ABTB3: variants seen among roughly 807,000 people sequenced by gnomAD.
ABTB3 encodes the protein ankyrin repeat- and BTB/POZ domain-containing protein 3.
At chr12:107,503,829 G>A in the ABTB3 span, among the ~76,000 whole-genome samples, 5 of 151,848 alleles carry the variant, frequency 3.3e-5, no homozygotes, top group East Asian at 1.9e-4. Context: ...GTGGGGTGGC[G>A]GTGGAGAGGA....
At chr12:107,593,542 C>G in the ABTB3 span, among the ~76,000 whole-genome samples, 1 of 152,190 alleles carries the variant, frequency 6.6e-6, no homozygotes, top group South Asian at 2.1e-4. Flanking sequence ...ACCGAGCCCA[C>G]TAGCTAGCAT....
chr12:107,522,493 G>T, the ABTB3 span, among the ~76,000 whole-genome samples: 337 of 151,892 alleles, frequency 2.2e-3, no homozygotes, highest in Non-Finnish European at 3.8e-3. Flanking sequence ...TTTTTATTAT[G>T]GCAACAAGAA....
At chr12:107,602,453 C>T in the ABTB3 span, among the ~76,000 whole-genome samples, 1 of 152,232 alleles carries the variant, frequency 6.6e-6, no homozygotes. Context: ...CATAGGAGAT[C>T]TCTGACACTT....
the ABTB3 span, among the ~76,000 whole-genome samples, chr12:107,394,929 G>A: frequency 7.2e-5 from 11 of 152,298 alleles, no homozygotes; most frequent in South Asian, 1.7e-3. Flanking sequence ...CTGTACAGAC[G>A]TCTTGGGTTT....
At chr12:107,629,987 C>T in the ABTB3 span, among the ~76,000 whole-genome samples, 241 of 152,234 alleles carry the variant, frequency 1.6e-3, no homozygotes, top group African/African-American at 5.3e-3. Flanking sequence ...TCCTGGAGTT[C>T]AGAATCGTAT....
the ABTB3 span, chr12:107,319,093 C>A: frequency 6.2e-7 from 1 of 1,609,250 alleles, no homozygotes; most frequent in South Asian, 1.1e-5. Flanking sequence ...GCGGGAGCTG[C>A]TGGCCGCCTC....
chr12:107,565,269 C>T, the ABTB3 span, among the ~76,000 whole-genome samples: 254 of 152,234 alleles, frequency 1.7e-3, 1 homozygote, highest in African/African-American at 5.7e-3. Flanking sequence ...TGGGCCCAAC[C>T]CTGACATTGT....
the ABTB3 span, among the ~76,000 whole-genome samples, chr12:107,454,367 T>C: frequency 6.6e-6 from 1 of 152,218 alleles, no homozygotes; most frequent in Non-Finnish European, 1.5e-5. Context: ...CCACGGGTGC[T>C]CTGCACTGCA....
chr12:107,633,743 C>A, the ABTB3 span, among the ~76,000 whole-genome samples: 1 of 152,182 alleles, frequency 6.6e-6, no homozygotes, highest in Non-Finnish European at 1.5e-5. Context: ...CAGCCCAGGT[C>A]GAACCCATGA....
the ABTB3 span, chr12:107,520,219 C>CTGTT: frequency 5.1e-6 from 5 of 985,352 alleles, no homozygotes; most frequent in Non-Finnish European, 6.0e-6. Flanking sequence ...GGAGAGGATT[C>CTGTT]TGTTTTGTGT....
chr12:107,401,776 G>T, the ABTB3 span, among the ~76,000 whole-genome samples: 1 of 152,126 alleles, frequency 6.6e-6, no homozygotes, highest in Non-Finnish European at 1.5e-5. Flanking sequence ...GAGCATCACT[G>T]CTTTATACAT....
chr12:107,394,182 T>A, the ABTB3 span, among the ~76,000 whole-genome samples: 5 of 152,128 alleles, frequency 3.3e-5, no homozygotes, highest in African/African-American at 1.2e-4. Context: ...TCTTGCGTGA[T>A]TCTTCCAGTA....
At chr12:107,477,692 G>A in the ABTB3 span, among the ~76,000 whole-genome samples, 237 of 152,150 alleles carry the variant, frequency 1.6e-3, 3 homozygotes, top group African/African-American at 5.3e-3. Flanking sequence ...GTTCTAGAAC[G>A]GATTAAAGTT....
chr12:107,419,908 C>G, the ABTB3 span, among the ~76,000 whole-genome samples: 8 of 152,162 alleles, frequency 5.3e-5, no homozygotes, highest in South Asian at 1.7e-3. Context: ...CCAGACACAG[C>G]ACTGTGACCT....
At chr12:107,404,848 G>A in the ABTB3 span, among the ~76,000 whole-genome samples, 2 of 152,126 alleles carry the variant, frequency 1.3e-5, no homozygotes, top group Non-Finnish European at 2.9e-5. Context: ...TGTCCCAAAT[G>A]CCAGCTGTGT....
chr12:107,602,211 T>C, the ABTB3 span, among the ~76,000 whole-genome samples: 3 of 152,222 alleles, frequency 2.0e-5, no homozygotes, highest in Non-Finnish European at 4.4e-5. Context: ...CACCCTCTGC[T>C]ATCACTCACA....
At chr12:107,563,967 G>A in the ABTB3 span, among the ~76,000 whole-genome samples, 1 of 152,298 alleles carries the variant, frequency 6.6e-6, no homozygotes, top group Non-Finnish European at 1.5e-5. Flanking sequence ...TTCCATGTTA[G>A]TGCATTTATC....
At chr12:107,531,012 A>C in the ABTB3 span, among the ~76,000 whole-genome samples, 1 of 152,220 alleles carries the variant, frequency 6.6e-6, no homozygotes, top group African/African-American at 2.4e-5. Flanking sequence ...AAGAGCGCAG[A>C]CCTTAGAGTC....
chr12:107,335,558 T>G, the ABTB3 span, among the ~76,000 whole-genome samples: 1 of 152,148 alleles, frequency 6.6e-6, no homozygotes, highest in Non-Finnish European at 1.5e-5. Context: ...TTTTTCTTCT[T>G]GTATCTGTTT....
Sources: gnomAD v4.1 joint callset for allele counts (sites outside exome capture counted in the v4.1 genomes callset) on GRCh38, gnomAD v4.1.1 for gene constraint, MANE v1.5 for transcripts, NCBI Gene and HGNC (gene_info 2026-07-23, HGNC 2026-07-21) for gene names.